The following ZNF808 variants were observed in gnomAD, a reference collection of about 807,000 sequenced individuals.
ZNF808 encodes zinc finger protein 808.
Under a neutral mutation model 8.7 loss-of-function variants are expected in ZNF808, and 5 were observed. The observed-to-expected ratio is 0.58, with a 90% confidence interval of 0.30 to 1.21. ZNF808 has a LOEUF of 1.21. Among genes scored for constraint, ZNF808 ranks in the 50% most tolerant of loss-of-function variants. ZNF808 has a pLI of 0.07. For missense variants in ZNF808, 1,103 were observed against 1,098.4 expected (o/e 1.00, Z -0.06); for synonymous variants, 380 against 366.0 (o/e 1.04, Z -0.44).
chr19:52,552,244 C>G (rs2059784355), intron 4 of ZNF808, among the ~76,000 whole-genome samples: 1 of 151,910 alleles, frequency 6.6e-6, no homozygotes, highest in African/African-American at 2.4e-5. Flanking sequence ...GTCTCGATCT[C>G]CTGACCTTGT....
At chr19:52,537,842 G>C (rs1430602024) in intron 2 of ZNF808, among the ~76,000 whole-genome samples, 1 of 152,126 alleles carries the variant, frequency 6.6e-6, no homozygotes, top group Admixed American at 6.6e-5. Flanking sequence ...TGTCCTATCT[G>C]TGAGCCATGT....
At chr19:52,556,442 TC>T (rs2059836569), downstream of ZNF808, 1 of 153,158 alleles carries the variant, frequency 6.5e-6, no homozygotes, top group African/African-American at 2.4e-5. Flanking sequence ...TTCCTCTGCC[TC>T]AGCCTCCCTA....
chr19:52,539,548 GTTTT>G (rs71180473), intron 2 of ZNF808, among the ~76,000 whole-genome samples: 1 of 51,964 alleles, frequency 1.9e-5, no homozygotes, highest in Non-Finnish European at 3.2e-5. Context: ...TGTTGTGGTG[GTTTT>G]TTTTTTTTTT....
chr19:52,564,046 C>G (rs2059866478), exon 4 of ZNF808: 1 of 591,504 alleles, frequency 1.7e-6, no homozygotes, highest in South Asian at 1.5e-5. Flanking sequence ...TGTCTGCCAT[C>G]ATGGTGTGTG....
At chr19:52,561,194 CTCTCTCTCTCTCTCTCTCTATATA>C (rs1388700941), downstream of ZNF808, among the ~76,000 whole-genome samples, 250 of 68,766 alleles carry the variant, frequency 3.6e-3, 3 homozygotes, top group Middle Eastern at 0.019. Context: ...CTCTCTCTCT[CTCTCTCTCTCTCTCTCTCTATATA>C]TATATATATA....
At chr19:52,550,389 C>A (rs1385998166) in intron 4 of ZNF808, among the ~76,000 whole-genome samples, 1 of 152,076 alleles carries the variant, frequency 6.6e-6, no homozygotes, top group African/African-American at 2.4e-5. Context: ...CACCACCACA[C>A]CTGCCTAATT....
chr19:52,552,017 C>G (rs2059781781), intron 4 of ZNF808, among the ~76,000 whole-genome samples: 1 of 150,920 alleles, frequency 6.6e-6, no homozygotes, highest in Non-Finnish European at 1.5e-5. Flanking sequence ...AAAATGGAAA[C>G]AAATTTTTTT....
rs189774745 is a variant in ZNF808, at chr19:52,547,437, C to T, written c.64-75C>T. The T allele has an allele frequency of 1.4e-3, 2,203 of 1,603,322 alleles. 8 individuals carry two copies. Among genetic ancestry groups the T allele is most frequent in the Non-Finnish European group, 1.6e-3 (1,895 of 1,176,856 alleles). On this transcript the variant is annotated intron_variant, in intron 3 of 4. Transcript: ENST00000359798. ...CTTTGATCAAATAAATACTTATTTT[C>T]CCTTTTCTCATTTCCTGTGAAGGTG...
At chr19:52,563,968 C>T (rs2059866035) in exon 4 of ZNF808, 3 of 356,950 alleles carry the variant, frequency 8.4e-6, no homozygotes, top group South Asian at 7.0e-5. Context: ...TGCACTCCAG[C>T]CTGGGCAACA....
intron 3 of ZNF808, among the ~76,000 whole-genome samples, chr19:52,561,342 T>C (rs28556852): frequency 0.25 from 37,205 of 151,320 alleles, 4,865 homozygotes; most frequent in African/African-American, 0.3. Context: ...CACCCATTAA[T>C]TCATCATACT....
intron 3 of ZNF808, 136 bp from the exon 4 acceptor site, chr19:52,547,376 C>T (rs2059732209): frequency 6.6e-7 from 1 of 1,517,920 alleles, no homozygotes; most frequent in Middle Eastern, 2.1e-4. Flanking sequence ...AAAAAATAGT[C>T]AAAAATACCT....
At chr19:52,532,205 G>A (rs1190000616) in intron 1 of ZNF808, among the ~76,000 whole-genome samples, 4 of 151,960 alleles carry the variant, frequency 2.6e-5, no homozygotes, top group Non-Finnish European at 5.9e-5. Flanking sequence ...TTTATGACAG[G>A]TATTCAGAAA....
intron 1 of ZNF808, among the ~76,000 whole-genome samples, chr19:52,529,314 C>G (rs1384878611): frequency 1.3e-5 from 2 of 151,912 alleles, no homozygotes; most frequent in African/African-American, 4.8e-5. Context: ...CTCAGGAGGT[C>G]CAGGCTGCAG....
intron 2 of ZNF808, chr19:52,535,956 ACTGT>A (rs2059606199): frequency 6.6e-6 from 1 of 152,650 alleles, no homozygotes; most frequent in African/African-American, 2.4e-5. Context: ...GCCCCGCCAA[ACTGT>A]TCGCCGGCCC....
Position 52,562,552 on chromosome 19 carries a change from C to A in ZNF808, c.*423-766C>A, listed in dbSNP as rs184324630. The stretch of plus-strand genomic sequence containing the variant: ...CAATATGAACACTCAGACCAGGGAG[C>A]CTGCATCATATTTTTTATGTTTTTA... On this transcript the variant is annotated intron_variant and NMD_transcript_variant, in intron 3 of 3. Transcript: ENST00000487863. Among the ~76,000 whole-genome samples the A allele has an allele frequency of 1.4e-3, 212 of 152,206 alleles. 1 individual carries two copies. In the Middle Eastern group the frequency reaches 0.048, roughly 34 times the overall value.
intron 2 of ZNF808, among the ~76,000 whole-genome samples, chr19:52,540,974 T>TG (rs1471743827): frequency 6.6e-6 from 1 of 152,136 alleles, no homozygotes; most frequent in African/African-American, 2.4e-5. Context: ...TTCTTTGAGA[T>TG]GGAGTCTCGC....
chr19:52,556,059 A>G lies in ZNF808; in HGVS notation c.*431A>G. ...TAACTGTTCCCAATGCAGTGAGTAT[A>G]GCAAACCATCAAGCATTAATTGACA... On this transcript the variant is annotated 3_prime_UTR_variant, in exon 5 of 5. Coordinates refer to ENST00000359798, the MANE Select transcript of ZNF808 (RefSeq NM_001039886.4). 1 of 475,848 alleles carries G rather than the reference A, an allele frequency of 2.1e-6. No homozygotes were observed. Among genetic ancestry groups the G allele is most frequent in the Non-Finnish European group, 4.2e-6 (1 of 240,072 alleles). 29.5% of individuals were successfully genotyped at this position (475,848 alleles called of 1,614,324 possible).
In ZNF808 at chr19:52,556,033, A is replaced by G. The variant is rs1234295762; in HGVS notation, c.*405A>G. 1 of 532,438 alleles carries G rather than the reference A, an allele frequency of 1.9e-6. No individual in the cohort carries two copies. The highest frequency in any genetic ancestry group is 5.2e-5 in the East Asian group (1 of 19,402). The allele number at this position is 532,438 out of a possible 1,614,324, so 33.0% of individuals were successfully genotyped here. ...GAACATGAGAAAATTCATTTTTGAG[A>G]TAACTGTTCCCAATGCAGTGAGTAT... On this transcript the variant is annotated 3_prime_UTR_variant, in exon 5 of 5. Transcript: ENST00000359798.
chr19:52,553,446 C>G lies in ZNF808; in HGVS notation c.530C>G (p.Ala177Gly), dbSNP rs193164285. Residue 177 changes from alanine (A) to glycine (G), a missense_variant, in exon 5 of 5, where the codon GCT (alanine) becomes GGT (glycine). Transcript: ENST00000359798. ...LHIFQIKGEI[A>G]NQLEKSTSDA... is the part of the protein sequence containing the mutation. ...ATATTTCAGATCAAAGGTGAAATTG[C>G]TAATCAACTTGAGAAGTCTACCAGT... The G allele has an allele frequency of 9.5e-5, 154 of 1,614,156 alleles. 1 individual carries two copies. In the East Asian group the frequency reaches 2.7e-3, roughly 28 times the overall value.
Sources: gnomAD v4.1 joint callset for allele counts (sites outside exome capture counted in the v4.1 genomes callset) on GRCh38, gnomAD v4.1.1 for gene constraint, MANE v1.5 for transcripts, NCBI Gene and HGNC (gene_info 2026-07-23, HGNC 2026-07-21) for gene names.